The following IQCM variants were observed in gnomAD, a reference collection of about 807,000 sequenced individuals.
IQCM encodes IQ domain-containing protein M.
Under a neutral mutation model 57.6 loss-of-function variants are expected in IQCM, and 45 were observed. The ratio of observed to expected loss-of-function variants is 0.78; its 90% CI spans 0.62 to 1.00. The LOEUF (loss-of-function observed/expected upper bound fraction) is 1.00, where lower values mean the gene tolerates loss of function less well. Among genes scored for constraint, IQCM ranks in the 50% least tolerant of loss-of-function variants. The probability of loss-of-function intolerance (pLI) is 0.00; values close to 1 mark genes in which losing one functional copy is unlikely to be tolerated. For synonymous variants in IQCM, 148 were observed against 158.9 expected, an observed-to-expected ratio of 0.93 and a Z score of 0.51; for missense variants, 468 against 511.6, an observed-to-expected ratio of 0.91 and a Z score of 0.82.
chr4:149,389,781 G>T (rs1341856109), intron 13 of IQCM, among the ~76,000 whole-genome samples: 1 of 151,516 alleles, frequency 6.6e-6, no homozygotes, highest in Non-Finnish European at 1.5e-5. Flanking sequence ...TGGGTGCAGC[G>T]CACCAGCATG....
chr4:149,505,075 TTC>T (rs1324615726), intron 12 of IQCM, among the ~76,000 whole-genome samples: 2 of 152,108 alleles, frequency 1.3e-5, no homozygotes, highest in Non-Finnish European at 2.9e-5. Context: ...GTCTATAGTG[TTC>T]TGTTATAGTA....
intron 7 of IQCM, among the ~76,000 whole-genome samples, chr4:149,674,980 G>C (rs1376617035): frequency 6.6e-6 from 1 of 152,048 alleles, no homozygotes; most frequent in Admixed American, 6.6e-5. Flanking sequence ...AAACAGTAGT[G>C]CTCTTCAAAG....
intron 12 of IQCM, among the ~76,000 whole-genome samples, chr4:149,467,862 T>C (rs1385690181): frequency 1.3e-5 from 2 of 152,192 alleles, no homozygotes; most frequent in Non-Finnish European, 2.9e-5. Context: ...CCATTGGCTA[T>C]ACTTAACTGG....
chr4:149,601,084 T>G lies in IQCM; in HGVS notation c.682-13087A>C, dbSNP rs185744363. Among the ~76,000 whole-genome samples, 12 of 152,330 alleles carry G rather than the reference T, an allele frequency of 7.9e-5. No individual in the cohort carries two copies. In the East Asian group the frequency reaches 2.3e-3, roughly 29 times the overall value. ...ACCTCGTACACATTGTCACTACTTA[T>G]AAAAAGCTCACTTAATGTGAATAAT... On this transcript the variant is annotated intron_variant, in intron 8 of 13. Transcript: ENST00000636793.
chr4:149,372,381 G>C lies in IQCM; in HGVS notation c.1391-20315C>G, dbSNP rs143198297. 3.9e-5 allele frequency among the ~76,000 whole-genome samples: 6 copies of C among 152,152 alleles called. No individual in the cohort carries two copies. The East Asian group carries it at 1.2e-3, about 29-fold the overall frequency. On this transcript the variant is annotated intron_variant, in intron 13 of 13. Transcript: ENST00000636793. ...AATATAAGGTGTTCCATGAATTTTA[G>C]AATAAAAGAAACTCTAGGGGATGTG...
At chr4:149,803,507 T>G (rs1034238938) in intron 2 of IQCM, among the ~76,000 whole-genome samples, 6 of 152,032 alleles carry the variant, frequency 3.9e-5, no homozygotes, top group Non-Finnish European at 8.8e-5. Context: ...TTCTCACATT[T>G]CCTTTGATTT....
chr4:149,605,535 C>T (rs922352054), intron 8 of IQCM, among the ~76,000 whole-genome samples: 3 of 151,904 alleles, frequency 2.0e-5, no homozygotes, highest in South Asian at 4.2e-4. Flanking sequence ...GTACATTCTC[C>T]CAATAAGTAT....
intron 13 of IQCM, among the ~76,000 whole-genome samples, chr4:149,392,542 T>C (rs1731939406): frequency 6.6e-6 from 1 of 152,042 alleles, no homozygotes. Context: ...AGATTTTTTT[T>C]TCATTGAGTA....
At chr4:149,784,107 G>C (rs1372777751) in intron 2 of IQCM, among the ~76,000 whole-genome samples, 1 of 152,148 alleles carries the variant, frequency 6.6e-6, no homozygotes, top group African/African-American at 2.4e-5. Context: ...CTTAATTTGT[G>C]ATAATGTATT....
chr4:149,744,057 T>G (rs1580181430), intron 2 of IQCM, among the ~76,000 whole-genome samples: 1 of 152,320 alleles, frequency 6.6e-6, no homozygotes, highest in East Asian at 1.9e-4. Context: ...GTAAGCCAGC[T>G]TTGCCCTATG....
At position 149,708,176 on chromosome 4, in the gene IQCM, T is replaced by C. The variant is rs73857713; in HGVS notation, c.386-21708A>G. Among the ~76,000 whole-genome samples, 1,285 of 152,200 alleles carry C rather than the reference T, an allele frequency of 8.4e-3. 8 individuals carry two copies. The highest frequency in any genetic ancestry group is 0.029 in the African/African-American group (1,216 of 41,552). On this transcript the variant is annotated intron_variant, in intron 5 of 13. Coordinates refer to ENST00000636793, the MANE Select transcript of IQCM (RefSeq NM_001363507.2). Reference sequence around the variant, plus strand: ...AGACTTACAGCTTTACTACTAAGGTTCTTCTGATCCTGAGCTGATCCCAGA... The same window carrying C: ...AGACTTACAGCTTTACTACTAAGGTCCTTCTGATCCTGAGCTGATCCCAGA...
At position 149,694,518 on chromosome 4, in the gene IQCM, A is replaced by G. The variant is rs147912613; in HGVS notation, c.386-8050T>C. Among the ~76,000 whole-genome samples, 9 of 152,024 alleles carry G rather than the reference A, an allele frequency of 5.9e-5. No individual in the cohort carries two copies. The East Asian group carries it at 1.7e-3, about 29-fold the overall frequency. On this transcript the variant is annotated intron_variant, in intron 5 of 13. Transcript: ENST00000636793. ...TCCCACTGTTCTCCTGACCTTCATA[A>G]AGAATCCCTATTTCTCCCCCTCCTT...
At chr4:149,389,704 G>A (rs1031521741) in intron 13 of IQCM, among the ~76,000 whole-genome samples, 1 of 131,794 alleles carries the variant, frequency 7.6e-6, no homozygotes, top group South Asian at 2.5e-4. Flanking sequence ...TCTGGGGACT[G>A]TTGTGGGTTG....
intron 2 of IQCM, among the ~76,000 whole-genome samples, chr4:149,766,701 A>C (rs1167279753): frequency 6.6e-6 from 1 of 152,150 alleles, no homozygotes; most frequent in African/African-American, 2.4e-5. Flanking sequence ...ACTTGCTAAC[A>C]AATGACCCAA....
At chr4:149,487,556 C>G (rs1741652030) in intron 12 of IQCM, among the ~76,000 whole-genome samples, 1 of 152,180 alleles carries the variant, frequency 6.6e-6, no homozygotes, top group Non-Finnish European at 1.5e-5. Flanking sequence ...CCTAGGACCC[C>G]AGGGCACTTC....
At chr4:149,366,149 AG>A (rs1729819585) in intron 13 of IQCM, among the ~76,000 whole-genome samples, 1 of 152,036 alleles carries the variant, frequency 6.6e-6, no homozygotes, top group African/African-American at 2.4e-5. Context: ...ACTATATAGG[AG>A]GGCTATCACC....
chr4:149,384,985 A>G (rs943660884), intron 13 of IQCM, among the ~76,000 whole-genome samples: 27 of 152,008 alleles, frequency 1.8e-4, no homozygotes, highest in African/African-American at 6.5e-4. Context: ...TTTCTACACC[A>G]TCCACTTCAG....
intron 12 of IQCM, among the ~76,000 whole-genome samples, chr4:149,487,720 T>C (rs1433142818): frequency 6.6e-6 from 1 of 152,130 alleles, no homozygotes; most frequent in East Asian, 1.9e-4. Context: ...AGGGCAACAC[T>C]GAGTTCATTG....
intron 9 of IQCM, among the ~76,000 whole-genome samples, chr4:149,572,947 A>G (rs1751301350): frequency 6.6e-6 from 1 of 151,932 alleles, no homozygotes; most frequent in Non-Finnish European, 1.5e-5. Flanking sequence ...ATGAATCAAG[A>G]GCATACAACC....
Sources: allele counts gnomAD v4.1 joint callset (sites outside exome capture counted in the v4.1 genomes callset), GRCh38; gene constraint gnomAD v4.1.1; transcripts MANE v1.5; gene names NCBI Gene and HGNC (gene_info 2026-07-23, HGNC 2026-07-21).